Variants in RIPK2 observed in about 807,000 individuals in gnomAD.
RIPK2 encodes the protein receptor interacting serine/threonine kinase 2, also known as receptor-interacting serine/threonine-protein kinase 2.
Under a neutral mutation model 60.9 loss-of-function variants are expected in RIPK2, and 38 were observed. The observed-to-expected ratio is 0.62, with a 90% CI of 0.48 to 0.82. RIPK2 has a LOEUF of 0.82. Among genes scored for constraint, RIPK2 ranks in the 40% least tolerant of loss-of-function variants. The pLI is 0.00. For synonymous variants in RIPK2, 225 were observed against 223.4 expected (o/e 1.01, Z -0.06); for missense variants, 518 against 647.0 (o/e 0.80, Z 2.16).
chr8:89,788,111 G>A (rs1054643005), intron 9 of RIPK2, among the ~76,000 whole-genome samples: 1 of 152,034 alleles, frequency 6.6e-6, no homozygotes, highest in African/African-American at 2.4e-5. Flanking sequence ...CAAGGCCAAG[G>A]TGGGCAAATC....
At chr8:89,764,780 A>T (rs1201123681) in intron 2 of RIPK2, among the ~76,000 whole-genome samples, 1 of 152,166 alleles carries the variant, frequency 6.6e-6, no homozygotes, top group Non-Finnish European at 1.5e-5. Context: ...AATTAATTAT[A>T]TGATTAAATG....
At chr8:89,775,466 A>T (rs1809381844) in intron 6 of RIPK2, among the ~76,000 whole-genome samples, 2 of 152,222 alleles carry the variant, frequency 1.3e-5, no homozygotes, top group Admixed American at 1.3e-4. Context: ...CTTAAATAAA[A>T]AAAAAAAATC....
intron 2 of RIPK2, among the ~76,000 whole-genome samples, chr8:89,764,233 A>C (rs1809190348): frequency 6.6e-6 from 1 of 152,170 alleles, no homozygotes; most frequent in East Asian, 1.9e-4. Context: ...ATGCCAGAGA[A>C]AGTAATGTTC....
rs1443637014 is a variant in RIPK2, at chr8:89,790,824, C to G, written c.*408C>G. 1 of 153,386 alleles carries G rather than the reference C, an allele frequency of 6.5e-6. No homozygotes were observed. Among genetic ancestry groups the G allele is most frequent in the African/African-American group, 2.4e-5 (1 of 41,402 alleles). 9.5% of individuals were successfully genotyped at this position (153,386 alleles called of 1,614,324 possible). On this transcript the variant is annotated 3_prime_UTR_variant, in exon 11 of 11. Transcript: ENST00000220751. ...ACCAGAGACAGTACAGAATCCCTGCCCTAAAATCCCAGGCTTAATTGCCCT... is the reference window on the plus strand; with the variant it reads ...ACCAGAGACAGTACAGAATCCCTGCGCTAAAATCCCAGGCTTAATTGCCCT...
Position 89,788,000 on chromosome 8 carries a change from T to C in RIPK2, c.1123+1314T>C, listed in dbSNP as rs1240799744. 1.3e-5 allele frequency among the ~76,000 whole-genome samples: 2 copies of C among 152,032 alleles called. 1 individual carries two copies. The highest frequency in any genetic ancestry group is 4.8e-5 in the African/African-American group (2 of 41,382). On this transcript the variant is annotated intron_variant, in intron 9 of 10. Transcript: ENST00000220751. ...GAAAAAAGAGGTAAAGCCAAATAAA[T>C]TGTTAAGCCTGGGGACTGGGAGAAC...
At chr8:89,786,744 A>C (rs1809594201) in intron 9 of RIPK2, 58 bp downstream of exon 9, 1 of 1,000,832 alleles carries the variant, frequency 1.0e-6, no homozygotes, top group Non-Finnish European at 1.5e-6. Flanking sequence ...TTTCAAGATC[A>C]AATTTTTGCA....
chr8:89,772,521 A>G (rs560754148), intron 5 of RIPK2, 146 bp from the exon 6 acceptor site: 2 of 571,462 alleles, frequency 3.5e-6, no homozygotes, highest in Admixed American at 3.4e-5. Context: ...GGTTTGGGGT[A>G]TATATATTCC....
chr8:89,789,222 C>A, intron 9 of RIPK2, 99 bp from the exon 10 acceptor site: 1 of 994,314 alleles, frequency 1.0e-6, no homozygotes, highest in Non-Finnish European at 1.5e-6. Flanking sequence ...AAACTAAAGA[C>A]ATTGGAGCCT....
At chr8:89,789,023 AG>A (rs1809631602) in intron 9 of RIPK2, among the ~76,000 whole-genome samples, 1 of 152,232 alleles carries the variant, frequency 6.6e-6, no homozygotes, top group South Asian at 2.1e-4. Context: ...AAACTTCAGA[AG>A]GAGTAAGAAG....
intron 1 of RIPK2, among the ~76,000 whole-genome samples, chr8:89,761,781 G>A (rs1464750104): frequency 6.6e-6 from 1 of 151,904 alleles, no homozygotes; most frequent in Non-Finnish European, 1.5e-5. Context: ...CAATCACTTA[G>A]TGACTGCTAA....
At chr8:89,783,057 A>C (rs746298837) in intron 7 of RIPK2, among the ~76,000 whole-genome samples, 2 of 152,216 alleles carry the variant, frequency 1.3e-5, no homozygotes, top group Non-Finnish European at 2.9e-5. Flanking sequence ...TGTGCTAGGT[A>C]CATTATATAC....
In RIPK2 at chr8:89,782,114, C is replaced by T. The variant is rs550230320; in HGVS notation, c.940-1936C>T. On this transcript the variant is annotated intron_variant, in intron 7 of 10. Transcript: ENST00000220751. ...GGCTATAGTGAGCTGGCACTCCAGCCAGGGTGACAGAGTGAGACCCTGTCT... is the reference window on the plus strand; with the variant it reads ...GGCTATAGTGAGCTGGCACTCCAGCTAGGGTGACAGAGTGAGACCCTGTCT... 9.2e-5 allele frequency among the ~76,000 whole-genome samples: 14 copies of T among 152,070 alleles called. No homozygotes were observed. In the East Asian group the frequency reaches 2.7e-3, roughly 29 times the overall value.
chr8:89,782,572 AAG>A, intron 7 of RIPK2, among the ~76,000 whole-genome samples: 2 of 152,124 alleles, frequency 1.3e-5, no homozygotes, highest in Non-Finnish European at 2.9e-5. Flanking sequence ...CTGAAAGCTG[AAG>A]CAGGAGGATC....
At position 89,762,973 on chromosome 8, in the gene RIPK2, C is replaced by A; in HGVS notation, c.318C>A (p.Leu106=). ...EYMPNGSLNE[L]LHRKTEYPDV... Reference sequence around the variant, plus strand: ...TGCCAAATGGATCATTAAATGAACTCCTACATAGGGTAAGTATTACACAGT... The same window carrying A: ...TGCCAAATGGATCATTAAATGAACTACTACATAGGGTAAGTATTACACAGT... The change falls in exon 2 of 11, where the codon CTC becomes CTA. Residue 106 remains leucine, a synonymous_variant. Transcript: ENST00000220751. 6.7e-7 allele frequency: 1 copy of A among 1,487,822 alleles called. No homozygotes were observed. The highest frequency in any genetic ancestry group is 9.0e-7 in the Non-Finnish European group (1 of 1,107,524). 92.2% of individuals were successfully genotyped at this position (1,487,822 alleles called of 1,614,324 possible). A position where few individuals can be genotyped will look rare whatever the true frequency, so the allele number is the denominator to read the frequency against.
chr8:89,784,149 A>G lies in RIPK2; in HGVS notation c.1029+10A>G. 1 of 1,368,398 alleles carries G rather than the reference A, an allele frequency of 7.3e-7. No individual in the cohort carries two copies. The highest frequency in any genetic ancestry group is 1.0e-6 in the Non-Finnish European group (1 of 998,672). The allele number at this position is 1,368,398 out of a possible 1,614,324, so 84.8% of individuals were successfully genotyped here. A position where few individuals can be genotyped will look rare whatever the true frequency, so the allele number is the denominator to read the frequency against. ...TCATGGTCCACAAGAGGTAAAAAAAAAAAAAAAAAAAAAAAGGTTATATTA... is the reference window on the plus strand; with the variant it reads ...TCATGGTCCACAAGAGGTAAAAAAAGAAAAAAAAAAAAAAAGGTTATATTA... On this transcript the variant is annotated intron_variant, in intron 8 of 10. Coordinates refer to ENST00000220751, the MANE Select transcript of RIPK2 (RefSeq NM_003821.6).
intron 2 of RIPK2, among the ~76,000 whole-genome samples, chr8:89,764,792 A>G (rs1266415976): frequency 6.6e-6 from 1 of 152,260 alleles, no homozygotes; most frequent in South Asian, 2.1e-4. Flanking sequence ...GATTAAATGT[A>G]TGATAAATTA....
At chr8:89,773,802 T>A (rs1809353574) in intron 6 of RIPK2, among the ~76,000 whole-genome samples, 1 of 152,192 alleles carries the variant, frequency 6.6e-6, no homozygotes, top group Non-Finnish European at 1.5e-5. Context: ...AAAATCTTCA[T>A]GACCTAGGGT....
chr8:89,785,039 A>G (rs1264277737), intron 8 of RIPK2, among the ~76,000 whole-genome samples: 1 of 152,154 alleles, frequency 6.6e-6, no homozygotes, highest in Non-Finnish European at 1.5e-5. Context: ...ATCTTCCCCC[A>G]TGACCCAAAC....
In RIPK2 at chr8:89,774,936, A is replaced by C. The variant is rs539086961; in HGVS notation, c.853+2108A>C. ...CATGTTTAATCTGCCAGGAGGCCAA[A>C]TGAGATAAGCAGGATTTTCCAACAT... On this transcript the variant is annotated intron_variant, in intron 6 of 10. Coordinates refer to ENST00000220751, the MANE Select transcript of RIPK2 (RefSeq NM_003821.6). Among the ~76,000 whole-genome samples, 3 of 152,318 alleles carry C rather than the reference A, an allele frequency of 2.0e-5. No individual in the cohort carries two copies. The South Asian group carries it at 6.2e-4, about 32-fold the overall frequency.
Sources: gnomAD v4.1 joint callset for allele counts (sites outside exome capture counted in the v4.1 genomes callset) on GRCh38, gnomAD v4.1.1 for gene constraint, MANE v1.5 for transcripts, NCBI Gene and HGNC (gene_info 2026-07-23, HGNC 2026-07-21) for gene names.